Variants in TBX21 observed in about 807,000 individuals in gnomAD.
TBX21 encodes T-box transcription factor TBX21.
A neutral mutation model predicts 52.2 loss-of-function variants in TBX21; 11 were observed. That is an observed-to-expected ratio of 0.21 (90% confidence interval 0.13 to 0.35). The LOEUF (loss-of-function observed/expected upper bound fraction) is 0.35. Among genes scored for constraint, TBX21 ranks in the 10% least tolerant of loss-of-function variants. The probability of loss-of-function intolerance (pLI) is 1.00; values close to 1 mark genes in which losing one functional copy is unlikely to be tolerated. For synonymous variants in TBX21, 300 were observed against 316.1 expected (o/e 0.95, Z 0.54); for missense variants, 625 against 755.1 (o/e 0.83, Z 2.02).
Position 47,733,749 on chromosome 17 carries a change from G to C in TBX21, c.295G>C (p.Ala99Pro). ...AGESFPPPADAEGYQPGEGYA... is the reference protein window; with the variant it reads ...AGESFPPPADPEGYQPGEGYA... Reference sequence around the variant, plus strand: ...CGAGTCCTTCCCGCCGCCCGCGGACGCCGAGGGCTACCAGCCGGGCGAGGG... The same window carrying C: ...CGAGTCCTTCCCGCCGCCCGCGGACCCCGAGGGCTACCAGCCGGGCGAGGG... The change falls in exon 1 of 6, where the codon GCC becomes CCC. Residue 99 changes from alanine (A) to proline (P), a missense_variant. Coordinates refer to ENST00000177694, the MANE Select transcript of TBX21 (RefSeq NM_013351.2). The surrounding 1 kb of genome is among the most constrained non-coding windows in gnomAD (Gnocchi z 6.6). 1 of 1,460,254 alleles carries C rather than the reference G, an allele frequency of 6.8e-7. No homozygotes were observed. Among genetic ancestry groups the C allele is most frequent in the Non-Finnish European group, 9.0e-7 (1 of 1,110,762 alleles). The allele number at this position is 1,460,254 out of a possible 1,614,324, so 90.5% of individuals were successfully genotyped here. A position where few individuals can be genotyped will look rare whatever the true frequency, so the allele number is the denominator to read the frequency against.
At position 47,742,973 on chromosome 17, in the gene TBX21, C is replaced by G; in HGVS notation, c.647-98C>G. On this transcript the variant is annotated intron_variant, in intron 2 of 5. Coordinates refer to ENST00000177694, the MANE Select transcript of TBX21 (RefSeq NM_013351.2). The surrounding 1 kb of genome is among the most constrained non-coding windows in gnomAD (Gnocchi z 4.4). ...TGCCCTTCCCTGCCTGGTCCTCCCC[C>G]TGTGTCCTTCCTTACGTCCCTCTCG... The G allele has an allele frequency of 1.3e-6, 2 of 1,557,992 alleles. No individual in the cohort carries two copies. Among genetic ancestry groups the G allele is most frequent in the South Asian group, 2.5e-5 (2 of 81,576 alleles).
intron 3 of TBX21, among the ~76,000 whole-genome samples, chr17:47,743,551 G>C (rs2032292096): frequency 6.6e-6 from 1 of 152,174 alleles, no homozygotes; most frequent in Non-Finnish European, 1.5e-5. Flanking sequence ...CCAGGGAATA[G>C]ATGCCGAGTT....
At chr17:47,743,043 G>T (rs780813110) in intron 2 of TBX21, 28 bp from the exon 3 acceptor site, 2 of 1,612,900 alleles carry the variant, frequency 1.2e-6, no homozygotes, top group South Asian at 2.2e-5. Context: ...CCCGGGGGCT[G>T]CATGTCAAAG....
chr17:47,745,297 C>G lies in TBX21; in HGVS notation c.1539C>G (p.Ser513=), dbSNP rs2032320727. ...SPYPSSGDSS[S]PAGAPSPFDK... ...ATCCTTCCAGTGGTGACAGCTCCTC[C>G]CCTGCTGGGGCCCCTTCTCCTTTTG... The change falls in exon 6 of 6, where the codon TCC becomes TCG. Residue 513 remains serine (S), a synonymous_variant. Transcript: ENST00000177694. 6.8e-6 allele frequency: 11 copies of G among 1,613,824 alleles called. No homozygotes were observed. Among genetic ancestry groups the G allele is most frequent in the Non-Finnish European group, 9.3e-6 (11 of 1,179,884 alleles).
At chr17:47,739,110 AGGGTGGGATG>A (rs1178330971) in intron 1 of TBX21, among the ~76,000 whole-genome samples, 1 of 152,102 alleles carries the variant, frequency 6.6e-6, no homozygotes, top group African/African-American at 2.4e-5. Flanking sequence ...CTGTCTTATG[AGGGTGGGATG>A]GTAAGTGGCC....
rs751982743 is a variant in TBX21 at position 47,733,962 on chromosome 17, G to C, written c.491+17G>C. ...GCAGGGACGGTGAGTGCGGCGCGCC[G>C]GCCCTTGGGGCCTCTGTGCCCGCGC... On this transcript the variant is annotated intron_variant, in intron 1 of 5. Transcript: ENST00000177694. The surrounding 1 kb of genome is among the most constrained non-coding windows in gnomAD (Gnocchi z 6.6). The C allele has an allele frequency of 1.2e-6, 2 of 1,612,684 alleles. No individual in the cohort carries two copies. Among genetic ancestry groups the C allele is most frequent in the Admixed American group, 1.7e-5 (1 of 59,984 alleles).
rs547966175 is a variant in TBX21, at chr17:47,745,504, G to A, written c.*138G>A. 1.0e-5 allele frequency: 13 copies of A among 1,288,588 alleles called. No individual in the cohort carries two copies. In the Admixed American group the frequency reaches 2.8e-4, roughly 27 times the overall value. The allele number at this position is 1,288,588 out of a possible 1,614,324, so 79.8% of individuals were successfully genotyped here. A position where few individuals can be genotyped will look rare whatever the true frequency, so the allele number is the denominator to read the frequency against. ...TGTTTAGTAGTTGGTTGGGGAAGTG[G>A]GGCTCAAGAAGGATTTTGGGGTTCA... On this transcript the variant is annotated 3_prime_UTR_variant, in exon 6 of 6. Transcript: ENST00000177694.
intron 5 of TBX21, 98 bp downstream of exon 5, chr17:47,744,641 G>A (rs773192680): frequency 2.9e-5 from 47 of 1,602,490 alleles, no homozygotes; most frequent in African/African-American, 4.0e-5. Context: ...TGCTACAGGT[G>A]GGCAGGCCAG....
At chr17:47,738,198 C>T (rs2032229219) in intron 1 of TBX21, among the ~76,000 whole-genome samples, 1 of 152,172 alleles carries the variant, frequency 6.6e-6, no homozygotes, top group South Asian at 2.1e-4. Context: ...TGCTCTGTCA[C>T]CCACGCTGGA....
At chr17:47,743,234 A>C in intron 3 of TBX21, 42 bp downstream of exon 3, 1 of 1,605,630 alleles carries the variant, frequency 6.2e-7, no homozygotes, top group Non-Finnish European at 8.5e-7. Context: ...CCTGCTCCCC[A>C]CCCTGGGTCT....
At chr17:47,738,480 A>G (rs2032232412) in intron 1 of TBX21, among the ~76,000 whole-genome samples, 2 of 152,150 alleles carry the variant, frequency 1.3e-5, no homozygotes, top group African/African-American at 2.4e-5. Context: ...CACATTTTGT[A>G]CTTTGGTAGG....
At position 47,738,914 on chromosome 17, in the gene TBX21, T is replaced by G. The variant is rs150589342; in HGVS notation, c.492-3696T>G. On this transcript the variant is annotated intron_variant, in intron 1 of 5. Coordinates refer to ENST00000177694, the MANE Select transcript of TBX21 (RefSeq NM_013351.2). ...CCACGCCGGGCCAATATTATCAATT[T>G]TTAAACATTGACCAATATGACTGAG... Among the ~76,000 whole-genome samples, 15 of 152,348 alleles carry G rather than the reference T, an allele frequency of 9.8e-5. No individual in the cohort carries two copies. The East Asian group carries it at 2.9e-3, about 29-fold the overall frequency.
At chr17:47,734,595 GT>G (rs1567918899) in intron 1 of TBX21, among the ~76,000 whole-genome samples, 8 of 138,732 alleles carry the variant, frequency 5.8e-5, no homozygotes. Context: ...GTGTGTGTGT[GT>G]GTGTGTGTGT....
At chr17:47,736,134 A>G (rs1449865065) in intron 1 of TBX21, among the ~76,000 whole-genome samples, 1 of 152,004 alleles carries the variant, frequency 6.6e-6, no homozygotes, top group East Asian at 1.9e-4. Context: ...AGTAATTCTC[A>G]CTTGACAAGT....
At chr17:47,737,934 A>C (rs116207990) in intron 1 of TBX21, among the ~76,000 whole-genome samples, 1 of 151,924 alleles carries the variant, frequency 6.6e-6, no homozygotes, top group Non-Finnish European at 1.5e-5. Flanking sequence ...CCAACTTTTC[A>C]GATCTTAAAA....
intron 1 of TBX21, among the ~76,000 whole-genome samples, chr17:47,734,603 G>GTGTGTA (rs2032185818): frequency 2.7e-5 from 3 of 109,568 alleles, no homozygotes; most frequent in African/African-American, 1.1e-4. Flanking sequence ...GTGTGTGTGT[G>GTGTGTA]TGTGTGTATG....
chr17:47,744,057 A>AT (rs2032299207), intron 3 of TBX21, 138 bp from the exon 4 acceptor site: 1 of 1,115,260 alleles, frequency 9.0e-7, no homozygotes, highest in African/African-American at 1.6e-5. Flanking sequence ...GGGAAGTTAC[A>AT]TGGTGGCAGA....
intron 1 of TBX21, among the ~76,000 whole-genome samples, chr17:47,737,121 C>T: frequency 6.6e-6 from 1 of 152,214 alleles, no homozygotes; most frequent in South Asian, 2.1e-4. Context: ...GGTGGATTAT[C>T]CCAGTAGGAG....
chr17:47,738,632 G>A lies in TBX21; in HGVS notation c.492-3978G>A, dbSNP rs373523793. Reference sequence around the variant, plus strand: ...TTTTTTTTTTTTGAGACAAAGTCTCGTTCTGTTGCCCAGGCTGAAGTGCAG... The same window carrying A: ...TTTTTTTTTTTTGAGACAAAGTCTCATTCTGTTGCCCAGGCTGAAGTGCAG... On this transcript the variant is annotated intron_variant, in intron 1 of 5. Transcript: ENST00000177694. 1.3e-4 allele frequency among the ~76,000 whole-genome samples: 19 copies of A among 149,580 alleles called. No homozygotes were observed. The East Asian group carries it at 1.8e-3, about 14-fold the overall frequency.
Sources: allele counts gnomAD v4.1 joint callset (sites outside exome capture counted in the v4.1 genomes callset), GRCh38; gene constraint gnomAD v4.1.1; non-coding constraint Gnocchi (gnomAD v3.1); transcripts MANE v1.5; gene names NCBI Gene and HGNC (gene_info 2026-07-23, HGNC 2026-07-21).